SLCO1B3: variants seen among roughly 807,000 people sequenced by gnomAD.
SLCO1B3 encodes solute carrier organic anion transporter family member 1B3.
A neutral mutation model predicts 71.8 loss-of-function variants in SLCO1B3; 72 were observed. The observed-to-expected ratio is 1.00, with a 90% confidence interval of 0.83 to 1.22. The LOEUF (loss-of-function observed/expected upper bound fraction) is 1.22. SLCO1B3 is among the 50% of genes most tolerant of loss of function. The pLI, the probability that SLCO1B3 is intolerant of heterozygous loss-of-function variation, is 0.00. For synonymous variants in SLCO1B3, 298 were observed against 278.4 expected, an observed-to-expected ratio of 1.07 and a Z score of -0.70; for missense variants, 911 against 819.7, an observed-to-expected ratio of 1.11 and a Z score of -1.36.
At chr12:20,831,407 A>C (rs1281220759) in intron 3 of SLCO1B3, among the ~76,000 whole-genome samples, 2 of 151,896 alleles carry the variant, frequency 1.3e-5, no homozygotes, top group African/African-American at 4.8e-5. Context: ...AATAAGGTTA[A>C]CATCATCGAA....
Position 20,815,777 on chromosome 12 carries a change from A to G in SLCO1B3, c.39A>G (p.Ser13=), listed in dbSNP as rs752350711. Residue 13 remains serine, a synonymous_variant, in exon 3 of 16, where the codon TCA becomes TCG. Coordinates refer to ENST00000381545, the MANE Select transcript of SLCO1B3 (RefSeq NM_019844.4). ...QHQHLNKTAE[S]ASSEKKKTRR... ...AACATTTGAATAAAACAGCAGAGTCAGCATCTTCAGAGAAAAAGAAAACAA... is the reference window on the plus strand; with the variant it reads ...AACATTTGAATAAAACAGCAGAGTCGGCATCTTCAGAGAAAAAGAAAACAA... 10 of 1,600,894 alleles carry G rather than the reference A, an allele frequency of 6.2e-6. No homozygotes were observed. Among genetic ancestry groups the G allele is most frequent in the Non-Finnish European group, 8.5e-6 (10 of 1,172,722 alleles).
intron 15 of SLCO1B3, among the ~76,000 whole-genome samples, chr12:20,906,816 C>A (rs539039218): frequency 2.0e-3 from 300 of 152,162 alleles, no homozygotes; most frequent in Non-Finnish European, 3.0e-3. Flanking sequence ...AATTAAAAAT[C>A]ACCCAGATTG....
intron 15 of SLCO1B3, among the ~76,000 whole-genome samples, chr12:20,906,556 T>C (rs1449401816): frequency 6.6e-6 from 1 of 152,180 alleles, no homozygotes; most frequent in African/African-American, 2.4e-5. Context: ...TAATACAAGA[T>C]ATTAATGATA....
chr12:20,883,725 G>T, intron 13 of SLCO1B3, 123 bp downstream of exon 13: 3 of 621,396 alleles, frequency 4.8e-6, no homozygotes, highest in African/African-American at 2.0e-5. Flanking sequence ...CTTTGAGAAT[G>T]CATTTTCTTA....
intron 3 of SLCO1B3, among the ~76,000 whole-genome samples, chr12:20,826,366 C>T (rs554713021): frequency 6.6e-6 from 1 of 152,088 alleles, no homozygotes; most frequent in South Asian, 2.1e-4. Flanking sequence ...CAGTGGGACA[C>T]AATAAAAGTT....
At chr12:20,833,476 AC>A (rs1298485827) in intron 3 of SLCO1B3, among the ~76,000 whole-genome samples, 1 of 149,272 alleles carries the variant, frequency 6.7e-6, no homozygotes, top group Non-Finnish European at 1.5e-5. Context: ...AAATATATAC[AC>A]ACATATACAC....
intron 6 of SLCO1B3, among the ~76,000 whole-genome samples, chr12:20,861,673 T>C (rs1865267904): frequency 1.3e-5 from 2 of 152,128 alleles, no homozygotes; most frequent in African/African-American, 4.8e-5. Flanking sequence ...TTGAAGACTT[T>C]GTAACTATTA....
At chr12:20,886,978 T>C (rs1178357041) in intron 13 of SLCO1B3, among the ~76,000 whole-genome samples, 1 of 152,044 alleles carries the variant, frequency 6.6e-6, no homozygotes, top group African/African-American at 2.4e-5. Context: ...TTTTTTACTT[T>C]CTGTTTCTGA....
intron 8 of SLCO1B3, among the ~76,000 whole-genome samples, chr12:20,866,182 G>T (rs113148400): frequency 2.6e-5 from 4 of 152,202 alleles, no homozygotes; most frequent in African/African-American, 9.6e-5. Flanking sequence ...GAAAAGTCAT[G>T]ACATTATAAG....
At position 20,879,660 on chromosome 12, in the gene SLCO1B3, T is replaced by C. The variant is rs1865652844; in HGVS notation, c.1331+29T>C. 2.9e-6 allele frequency: 4 copies of C among 1,400,340 alleles called. No individual in the cohort carries two copies. The East Asian group carries it at 9.4e-5, about 33-fold the overall frequency. The allele number at this position is 1,400,340 out of a possible 1,614,324, so 86.7% of individuals were successfully genotyped here. ...TGTATATATTGCTATATAAATTGTG[T>C]AATATGTTAACCATCAAATTAAAAG... On this transcript the variant is annotated intron_variant, in intron 11 of 15. Transcript: ENST00000381545.
chr12:20,869,565 G>A (rs895236724), intron 8 of SLCO1B3, among the ~76,000 whole-genome samples: 1 of 152,082 alleles, frequency 6.6e-6, no homozygotes, highest in African/African-American at 2.4e-5. Context: ...CACCTGGGTG[G>A]CTTGCCGCTC....
intron 4 of SLCO1B3, among the ~76,000 whole-genome samples, chr12:20,856,366 T>A (rs926805126): frequency 6.6e-6 from 1 of 152,140 alleles, no homozygotes; most frequent in Non-Finnish European, 1.5e-5. Flanking sequence ...CACCCACGGA[T>A]GCAAGTCACA....
intron 8 of SLCO1B3, among the ~76,000 whole-genome samples, chr12:20,867,807 A>G (rs971081231): frequency 1.1e-4 from 16 of 152,152 alleles, no homozygotes; most frequent in African/African-American, 3.9e-4. Context: ...CTGTAAAGCC[A>G]CACTGTGTGT....
chr12:20,902,027 T>C (rs1261923333), intron 15 of SLCO1B3: 2 of 322,444 alleles, frequency 6.2e-6, no homozygotes, highest in Non-Finnish European at 1.2e-5. Context: ...AATATATAAA[T>C]TTGATTTCTG....
At chr12:20,900,169 A>G (rs947110058) in intron 14 of SLCO1B3, among the ~76,000 whole-genome samples, 2 of 152,034 alleles carry the variant, frequency 1.3e-5, no homozygotes, top group African/African-American at 4.8e-5. Flanking sequence ...GAAATCTGCA[A>G]ATTTCTCACC....
chr12:20,814,976 CTTTTCTT>C (rs771121442), intron 2 of SLCO1B3, among the ~76,000 whole-genome samples: 100 of 117,088 alleles, frequency 8.5e-4, no homozygotes, highest in Non-Finnish European at 1.4e-3. Flanking sequence ...CTTTTCTTTT[CTTTTCTT>C]TTTTTTTTTT....
intron 13 of SLCO1B3, among the ~76,000 whole-genome samples, chr12:20,884,785 CA>C (rs755494765): frequency 6.7e-6 from 1 of 149,198 alleles, no homozygotes; most frequent in Non-Finnish European, 1.5e-5. Flanking sequence ...AAAAAAAAAG[CA>C]ACCAACAATG....
In SLCO1B3 at chr12:20,875,359, TAAAC is replaced by T. The variant is rs554933268; in HGVS notation, c.853_856del (p.Lys285HisfsTer14). 216 of 1,613,072 alleles carry T rather than the reference TAAAC, an allele frequency of 1.3e-4. No individual in the cohort carries two copies. The highest frequency in any genetic ancestry group is 2.2e-4 in the Admixed American group (13 of 59,812). On this transcript the variant is annotated frameshift_variant, in exon 9 of 16. Transcript: ENST00000381545. LOFTEE classifies it high-confidence loss of function. ...TTTTTTTCTTGCCGAAAAATCCAAA[TAAAC>T]CACAAAAAGAAAGAAAAATTTCACT...
intron 13 of SLCO1B3, among the ~76,000 whole-genome samples, chr12:20,894,168 G>A (rs1865956012): frequency 6.6e-6 from 1 of 152,170 alleles, no homozygotes; most frequent in Admixed American, 6.5e-5. Context: ...ACAATTAAAT[G>A]AAATAGCACA....
Sources: gnomAD v4.1 joint callset for allele counts (sites outside exome capture counted in the v4.1 genomes callset) on GRCh38, gnomAD v4.1.1 for gene constraint, MANE v1.5 for transcripts, NCBI Gene and HGNC (gene_info 2026-07-23, HGNC 2026-07-21) for gene names.